ZBTB34: variants seen among roughly 807,000 people sequenced by gnomAD.
ZBTB34 encodes zinc finger and BTB domain containing 34, also known as zinc finger and BTB domain-containing protein 34.
In ZBTB34, 1 loss-of-function variant was observed where a neutral mutation model predicts 33.4. The observed-to-expected ratio is 0.03, with a 90% CI of 0.01 to 0.14. The LOEUF (loss-of-function observed/expected upper bound fraction) is 0.14. Ranked by LOEUF, ZBTB34 falls within the 10% of genes least tolerant of loss-of-function variation. The probability of loss-of-function intolerance (pLI) is 1.00; values close to 1 mark genes in which losing one functional copy is unlikely to be tolerated. For synonymous variants in ZBTB34, 283 were observed against 253.5 expected, an observed-to-expected ratio of 1.12 and a Z score of -1.11; for missense variants, 406 against 657.2, an observed-to-expected ratio of 0.62 and a Z score of 4.18.
At chr9:126,882,368 C>A (rs1716645113) in exon 2 of ZBTB34, 1 of 167,056 alleles carries the variant, frequency 6.0e-6, no homozygotes, top group Admixed American at 6.5e-5. Context: ...TGAAAAGAGA[C>A]CTCAAAAGCA....
rs1251787358 is a variant in ZBTB34 at position 126,880,443 on chromosome 9, A to G, written c.1044A>G (p.Glu348=). The G allele has an allele frequency of 4.3e-6, 7 of 1,613,710 alleles. No individual in the cohort carries two copies. In the South Asian group the frequency reaches 6.6e-5, roughly 15 times the overall value. ...GCCTGGTGCAGGGCTCTGACAGTGA[A>G]GCCATGATGAACAACCCCGGGTATG... Residue 348 remains glutamate, a synonymous_variant, in exon 2 of 2, where the codon GAA becomes GAG. Transcript: ENST00000319119. This position sits in a 1 kb window ranked among gnomAD's most constrained non-coding sequence, Gnocchi z 6.7.
intron 1 of ZBTB34, among the ~76,000 whole-genome samples, chr9:126,869,574 C>T (rs2033252098): frequency 6.6e-6 from 1 of 152,058 alleles, no homozygotes; most frequent in African/African-American, 2.4e-5. Context: ...TTCACAGCAG[C>T]CCAGGCTGGT....
chr9:126,873,200 G>T (rs1588388381), intron 1 of ZBTB34, among the ~76,000 whole-genome samples: 1 of 152,138 alleles, frequency 6.6e-6, no homozygotes, highest in African/African-American at 2.4e-5. Flanking sequence ...TTTGTTAGGT[G>T]CCAGCTGAGT....
At chr9:126,862,454 G>C (rs1446669337) in intron 1 of ZBTB34, among the ~76,000 whole-genome samples, 1 of 152,148 alleles carries the variant, frequency 6.6e-6, no homozygotes, top group Non-Finnish European at 1.5e-5. Flanking sequence ...CGCCCACCCT[G>C]TCTTTTCAAG....
intron 1 of ZBTB34, among the ~76,000 whole-genome samples, chr9:126,861,075 C>T (rs1405993718): frequency 2.0e-5 from 3 of 152,068 alleles, no homozygotes; most frequent in Non-Finnish European, 4.4e-5. Flanking sequence ...CCCGGGGCGT[C>T]TCGGGATCCC....
At chr9:126,861,474 G>T (rs1435472944) in intron 1 of ZBTB34, among the ~76,000 whole-genome samples, 3 of 152,166 alleles carry the variant, frequency 2.0e-5, no homozygotes, top group African/African-American at 7.2e-5. Flanking sequence ...ATCATTGAGG[G>T]TTTCATTTAA....
intron 1 of ZBTB34, among the ~76,000 whole-genome samples, chr9:126,870,885 C>T (rs2033268265): frequency 6.6e-6 from 1 of 151,962 alleles, no homozygotes; most frequent in African/African-American, 2.4e-5. Context: ...GGAGGTTGCA[C>T]CACTGCACTC....
At chr9:126,872,198 G>A (rs1324116738) in intron 1 of ZBTB34, among the ~76,000 whole-genome samples, 2 of 151,934 alleles carry the variant, frequency 1.3e-5, no homozygotes, top group African/African-American at 2.4e-5. Flanking sequence ...TGCTCCACCC[G>A]CCTCGGCCTC....
chr9:126,880,647 G>A lies in ZBTB34; in HGVS notation c.1248G>A (p.Lys416=). 6.2e-7 allele frequency: 1 copy of A among 1,613,880 alleles called. No individual in the cohort carries two copies. The highest frequency in any genetic ancestry group is 8.5e-7 in the Non-Finnish European group (1 of 1,179,896). The change falls in exon 2 of 2, where the codon AAG becomes AAA. Residue 416 remains lysine (K), a synonymous_variant. Transcript: ENST00000319119. This position sits in a 1 kb window ranked among gnomAD's most constrained non-coding sequence, Gnocchi z 6.7. ...TCTGTGGGAAGAAGTACACACGGAA[G>A]GACCAACTGGAGTACCACATCCGGG...
rs756074975 is a variant in ZBTB34 at position 126,879,937 on chromosome 9, G to A, written c.538G>A (p.Ala180Thr). 9.9e-6 allele frequency: 16 copies of A among 1,613,174 alleles called. No homozygotes were observed. The highest frequency in any genetic ancestry group is 4.5e-5 in the East Asian group (2 of 44,860). The stretch of plus-strand genomic sequence containing the variant: ...TTGCTCTCAGGGACGGCAGCCCACC[G>A]CAAGCAGTGACCTCCGGATGGAGAC... Residue 180 changes from alanine (A) to threonine (T), a missense_variant, in exon 2 of 2, where the codon GCA becomes ACA. Transcript: ENST00000319119. The surrounding 1 kb of genome is among the most constrained non-coding windows in gnomAD (Gnocchi z 6.4).
intron 1 of ZBTB34, among the ~76,000 whole-genome samples, chr9:126,877,176 T>C (rs2033374018): frequency 6.6e-6 from 1 of 152,202 alleles, no homozygotes; most frequent in African/African-American, 2.4e-5. Context: ...TTTGTTGTTG[T>C]TGTTGTTTTT....
chr9:126,868,514 G>C lies in ZBTB34; in HGVS notation c.-11+7775G>C, dbSNP rs1209035551. ...CACTGTGTGAGTGTCCTCCTGCTCT[G>C]GTTGCCCAGCCGGCCATCACTCCAC... On this transcript the variant is annotated intron_variant, in intron 1 of 1. Transcript: ENST00000319119. Among the ~76,000 whole-genome samples, 4 of 152,184 alleles carry C rather than the reference G, an allele frequency of 2.6e-5. No individual in the cohort carries two copies. The East Asian group carries it at 7.7e-4, about 29-fold the overall frequency.
chr9:126,872,288 G>A (rs565978398), intron 1 of ZBTB34, among the ~76,000 whole-genome samples: 9 of 152,292 alleles, frequency 5.9e-5, no homozygotes, highest in South Asian at 4.1e-4. Context: ...ACGGTGGTGC[G>A]TGCCTATAGT....
chr9:126,874,033 G>GTTTTTTT (rs2033318002), intron 1 of ZBTB34, among the ~76,000 whole-genome samples: 1 of 113,484 alleles, frequency 8.8e-6, no homozygotes, highest in Non-Finnish European at 1.8e-5. Flanking sequence ...TGCTGTGTAT[G>GTTTTTTT]TTCTTTTTTT....
exon 2 of ZBTB34, chr9:126,884,498 A>C (rs2033493198): frequency 6.0e-6 from 1 of 166,734 alleles, no homozygotes; most frequent in Non-Finnish European, 1.5e-5. Flanking sequence ...TTTTTTTTAA[A>C]CAGCAGAAAG....
At chr9:126,865,782 C>T (rs2033192101) in intron 1 of ZBTB34, among the ~76,000 whole-genome samples, 2 of 152,102 alleles carry the variant, frequency 1.3e-5, no homozygotes, top group South Asian at 2.1e-4. Flanking sequence ...GCCAGGAGTT[C>T]GAGACCAGAC....
chr9:126,880,853 C>T lies in ZBTB34; in HGVS notation c.1454C>T (p.Ala485Val), dbSNP rs2033430118. ...CAGAAACTAGAAAATGACGCATCGG[C>T]CTCAGAGATGGGCCTAGATTCCCGG... Residue 485 changes from alanine to valine, a missense_variant, in exon 2 of 2, where the codon GCC (alanine) becomes GTC (valine). Ala to Val is a moderately conservative substitution (Grantham distance 64). Coordinates refer to ENST00000319119, the Ensembl canonical transcript of ZBTB34. This position sits in a 1 kb window ranked among gnomAD's most constrained non-coding sequence, Gnocchi z 6.7. 1.2e-6 allele frequency: 2 copies of T among 1,613,252 alleles called. No individual in the cohort carries two copies. The highest frequency in any genetic ancestry group is 1.7e-5 in the Admixed American group (1 of 59,950).
intron 1 of ZBTB34, among the ~76,000 whole-genome samples, chr9:126,871,448 C>T (rs891151943): frequency 7.3e-5 from 11 of 151,066 alleles, no homozygotes; most frequent in African/African-American, 2.7e-4. Flanking sequence ...CTGCAACCTC[C>T]CCCTCCCAGG....
intron 1 of ZBTB34, among the ~76,000 whole-genome samples, chr9:126,864,123 C>T (rs2033173722): frequency 6.6e-6 from 1 of 152,244 alleles, no homozygotes; most frequent in South Asian, 2.1e-4. Context: ...TGCATCTCAC[C>T]AGTATGCCTG....
Sources: allele counts gnomAD v4.1 joint callset (sites outside exome capture counted in the v4.1 genomes callset), GRCh38; gene constraint gnomAD v4.1.1; non-coding constraint Gnocchi (gnomAD v3.1); transcripts MANE v1.5; gene names NCBI Gene and HGNC (gene_info 2026-07-23, HGNC 2026-07-21).